The following ZNF791 variants were observed in gnomAD, a reference collection of about 807,000 sequenced individuals.
ZNF791 encodes zinc finger protein 791.
In ZNF791, 4 loss-of-function variants were observed where a neutral mutation model predicts 11.5. That is an observed-to-expected ratio of 0.35 (90% CI 0.17 to 0.80). The LOEUF is 0.80. ZNF791 is among the 30% of genes least tolerant of loss of function. The probability of loss-of-function intolerance (pLI) is 0.53; values close to 1 mark genes in which losing one functional copy is unlikely to be tolerated. For synonymous variants in ZNF791, 212 were observed against 228.1 expected (o/e 0.93, Z 0.64); for missense variants, 559 against 699.4 (o/e 0.80, Z 2.26).
At chr19:12,613,311 GT>G (rs2023190540) in intron 1 of ZNF791, among the ~76,000 whole-genome samples, 1 of 151,972 alleles carries the variant, frequency 6.6e-6, no homozygotes, top group African/African-American at 2.4e-5. Context: ...GCCCGGCACG[GT>G]GGCTCATGCC....
intron 1 of ZNF791, among the ~76,000 whole-genome samples, chr19:12,618,840 TGTGTGTGTG>T (rs2023286277): frequency 6.6e-6 from 1 of 150,448 alleles, no homozygotes; most frequent in African/African-American, 2.4e-5. Context: ...TGTGTGTGTG[TGTGTGTGTG>T]TATTTATTTA....
intron 3 of ZNF791, among the ~76,000 whole-genome samples, chr19:12,625,898 G>A (rs1330022719): frequency 6.6e-6 from 1 of 151,656 alleles, no homozygotes; most frequent in Non-Finnish European, 1.5e-5. Context: ...AGGCTGGAGT[G>A]GAGTGGTATG....
chr19:12,611,105 G>C (rs953289972), intron 1 of ZNF791, 23 bp downstream of exon 1: 1 of 1,613,882 alleles, frequency 6.2e-7, no homozygotes, highest in Admixed American at 1.7e-5. Flanking sequence ...GGCCGGACTA[G>C]TTGGAACCGG....
chr19:12,611,721 A>C (rs565844816), intron 1 of ZNF791, among the ~76,000 whole-genome samples: 1 of 152,324 alleles, frequency 6.6e-6, no homozygotes. Context: ...AATCTGCATA[A>C]AATGCTGTGG....
At chr19:12,620,192 C>T (rs1476740476) in intron 1 of ZNF791, among the ~76,000 whole-genome samples, 2 of 151,942 alleles carry the variant, frequency 1.3e-5, no homozygotes, top group Non-Finnish European at 2.9e-5. Flanking sequence ...TGTGAGCCAC[C>T]GCACCTGGCC....
At chr19:12,614,189 T>C (rs980367271) in intron 1 of ZNF791, among the ~76,000 whole-genome samples, 1 of 152,090 alleles carries the variant, frequency 6.6e-6, no homozygotes, top group Non-Finnish European at 1.5e-5. Context: ...GGTGCTTCTA[T>C]CCTCCATTAC....
At chr19:12,616,321 G>A (rs947486787) in intron 1 of ZNF791, among the ~76,000 whole-genome samples, 4 of 152,140 alleles carry the variant, frequency 2.6e-5, no homozygotes, top group Admixed American at 1.3e-4. Context: ...AGGCAGGCAT[G>A]GTGGTACACG....
intron 3 of ZNF791, among the ~76,000 whole-genome samples, 163 bp from the exon 4 acceptor site, chr19:12,627,558 G>A (rs539380240): frequency 5.1e-4 from 77 of 152,270 alleles, no homozygotes; most frequent in African/African-American, 1.7e-3. Context: ...GCTGGGAGGT[G>A]GAGGTTGCAG....
intron 1 of ZNF791, among the ~76,000 whole-genome samples, chr19:12,616,609 C>T (rs1282656807): frequency 6.6e-6 from 1 of 152,042 alleles, no homozygotes; most frequent in Admixed American, 6.6e-5. Context: ...ATGAGAATCG[C>T]TTGAGCCTAG....
At chr19:12,623,418 GAAAA>G (rs564695885) in intron 1 of ZNF791, 1 of 376,578 alleles carries the variant, frequency 2.7e-6, no homozygotes, top group East Asian at 5.7e-5. Context: ...CAAAAAGGAA[GAAAA>G]AAAAATTGAT....
At chr19:12,627,058 G>A (rs575155323) in intron 3 of ZNF791, among the ~76,000 whole-genome samples, 3 of 152,122 alleles carry the variant, frequency 2.0e-5, no homozygotes, top group East Asian at 2.0e-4. Context: ...GTGCATGCCT[G>A]TAGTCCCAGC....
At chr19:12,614,260 G>T (rs1299589289) in intron 1 of ZNF791, among the ~76,000 whole-genome samples, 3 of 152,072 alleles carry the variant, frequency 2.0e-5, no homozygotes, top group African/African-American at 7.2e-5. Flanking sequence ...TTGAGACCGA[G>T]TCTCACTCTG....
intron 1 of ZNF791, among the ~76,000 whole-genome samples, chr19:12,611,525 A>T (rs2023156874): frequency 6.6e-6 from 1 of 152,148 alleles, no homozygotes. Flanking sequence ...CCGAATTCCC[A>T]AACGCCTACT....
chr19:12,621,036 C>G (rs545719394), intron 1 of ZNF791, among the ~76,000 whole-genome samples: 2 of 152,012 alleles, frequency 1.3e-5, no homozygotes, highest in African/African-American at 4.8e-5. Context: ...GCTGGGATTA[C>G]AGGCATGAGC....
chr19:12,627,791 C>A lies in ZNF791; in HGVS notation c.262C>A (p.Leu88Ile), dbSNP rs764894267. The change falls in exon 4 of 4, where the codon CTC (leucine) becomes ATC (isoleucine). Residue 88 changes from leucine (L) to isoleucine (I), a missense_variant. Transcript: ENST00000343325. ...ATGTGCAGAAAACTTCAGTCCCAAT[C>A]TCAGTGTGACGAAGAAGACTGCCGG... ...SQCAENFSPN[L>I]SVTKKTAGVK... The A allele has an allele frequency of 1.2e-6, 2 of 1,614,128 alleles. No individual in the cohort carries two copies. Among genetic ancestry groups the A allele is most frequent in the Admixed American group, 1.7e-5 (1 of 60,006 alleles).
intron 3 of ZNF791, 44 bp from the exon 4 acceptor site, chr19:12,627,677 C>T (rs1182645488): frequency 6.8e-7 from 1 of 1,475,618 alleles, no homozygotes; most frequent in Admixed American, 2.1e-5. Context: ...CATATAAAAT[C>T]ATTAATACAC....
chr19:12,621,566 T>C (rs2023344044), intron 1 of ZNF791, among the ~76,000 whole-genome samples: 1 of 151,684 alleles, frequency 6.6e-6, no homozygotes. Flanking sequence ...AGAATCTGAG[T>C]GCTTCTGATG....
intron 2 of ZNF791, 135 bp from the exon 3 acceptor site, chr19:12,624,515 G>GA (rs2023399264): frequency 9.3e-6 from 6 of 644,732 alleles, no homozygotes; most frequent in Non-Finnish European, 1.5e-5. Flanking sequence ...TCACTGTTCC[G>GA]AGATTTGGAA....
rs2145201526 is a variant in ZNF791 at position 12,633,494 on chromosome 19, C to T, written c.*4234C>T. 6.6e-6 allele frequency: 1 copy of T among 152,300 alleles called. No homozygotes were observed. The highest frequency in any genetic ancestry group is 1.9e-4 in the East Asian group (1 of 5,184). The allele number at this position is 152,300 out of a possible 1,614,324, so 9.4% of individuals were successfully genotyped here. On this transcript the variant is annotated 3_prime_UTR_variant, in exon 4 of 4. Coordinates refer to ENST00000343325, the MANE Select transcript of ZNF791 (RefSeq NM_153358.3). ...ACAGGGAGACAGCCTGCTTCCTGCT[C>T]ATTTTCCTGGTTATTTTCTCTGCCA...
Sources: gnomAD v4.1 joint callset for allele counts (sites outside exome capture counted in the v4.1 genomes callset) on GRCh38, gnomAD v4.1.1 for gene constraint, MANE v1.5 for transcripts, NCBI Gene and HGNC (gene_info 2026-07-23, HGNC 2026-07-21) for gene names.